The following MTA3 variants were observed in gnomAD, a reference collection of about 807,000 sequenced individuals.
MTA3 encodes metastasis associated 1 family member 3, also known as metastasis-associated protein MTA3.
In MTA3, 34 loss-of-function variants were observed where a neutral mutation model predicts 83.5. That is an observed-to-expected ratio of 0.41 (90% CI 0.31 to 0.54). The LOEUF (loss-of-function observed/expected upper bound fraction) is 0.54. Ranked by LOEUF, MTA3 falls within the 20% of genes least tolerant of loss-of-function variation. MTA3 has a pLI of 0.33. For synonymous variants in MTA3, 303 were observed against 252.7 expected (o/e 1.20, Z -1.89); for missense variants, 761 against 726.4 (o/e 1.05, Z -0.55).
At chr2:42,703,920 C>G (rs900961582) in intron 11 of MTA3, 1 of 267,118 alleles carries the variant, frequency 3.7e-6, no homozygotes, top group South Asian at 4.3e-5. Context: ...AGAGGATGTT[C>G]TAAGGAAATT....
At chr2:42,634,590 G>A (rs539253044) in intron 4 of MTA3, among the ~76,000 whole-genome samples, 18 of 152,248 alleles carry the variant, frequency 1.2e-4, no homozygotes, top group Admixed American at 2.6e-4. Flanking sequence ...GAGGATTATG[G>A]GGATCACAAT....
At chr2:42,564,903 A>C (rs1013950495), upstream of MTA3, among the ~76,000 whole-genome samples, 2 of 151,966 alleles carry the variant, frequency 1.3e-5, no homozygotes, top group African/African-American at 2.4e-5. Flanking sequence ...CAGCCTCCTG[A>C]GTAGCTGGGA....
At chr2:42,749,074 G>GT (rs1467792671) in intron 16 of MTA3, among the ~76,000 whole-genome samples, 1 of 152,238 alleles carries the variant, frequency 6.6e-6, no homozygotes, top group African/African-American at 2.4e-5. Flanking sequence ...TCTAGCTGAT[G>GT]TTTTCCATCG....
At chr2:42,577,629 T>C (rs945000970) in intron 2 of MTA3, among the ~76,000 whole-genome samples, 1 of 152,068 alleles carries the variant, frequency 6.6e-6, no homozygotes, top group Middle Eastern at 3.4e-3. Flanking sequence ...TACAGGTGTG[T>C]GCCACCACAC....
intron 4 of MTA3, among the ~76,000 whole-genome samples, chr2:42,629,410 A>T (rs115303142): frequency 1.6e-4 from 24 of 152,192 alleles, no homozygotes; most frequent in Non-Finnish European, 3.1e-4. Context: ...TTTCAGGACC[A>T]CAGAAAACTT....
chr2:42,496,353 C>G lies in MTA3; in HGVS notation c.-141+1099C>G, dbSNP rs573290877. On this transcript the variant is annotated intron_variant, in intron 2 of 17. Coordinates refer to the MTA3 transcript ENST00000405592. ...GCAGCAGCAATACCCAAATCGTTTTCTTAAACAAAGAAAACAGTGATGCAG... is the reference window on the plus strand; with the variant it reads ...GCAGCAGCAATACCCAAATCGTTTTGTTAAACAAAGAAAACAGTGATGCAG... 1.2e-4 allele frequency among the ~76,000 whole-genome samples: 18 copies of G among 152,208 alleles called. No individual in the cohort carries two copies. The South Asian group carries it at 3.7e-3, about 32-fold the overall frequency.
chr2:42,707,420 T>C (rs562651795), intron 12 of MTA3, among the ~76,000 whole-genome samples: 2 of 152,110 alleles, frequency 1.3e-5, no homozygotes, highest in East Asian at 3.9e-4. Flanking sequence ...ATTTTTTTTG[T>C]GTGTTTTCAG....
At chr2:42,744,541 T>A (rs1478911488) in intron 16 of MTA3, among the ~76,000 whole-genome samples, 2 of 152,126 alleles carry the variant, frequency 1.3e-5, no homozygotes, top group Non-Finnish European at 2.9e-5. Flanking sequence ...TCTGTTCCCC[T>A]TTCCCCCATT....
chr2:42,749,536 CG>C (rs1248844742), intron 16 of MTA3, among the ~76,000 whole-genome samples: 17 of 152,098 alleles, frequency 1.1e-4, no homozygotes, highest in Non-Finnish European at 2.1e-4. Context: ...GGCATGATCT[CG>C]GCTCACTGCA....
At chr2:42,579,774 C>A (rs954078589) in intron 3 of MTA3, among the ~76,000 whole-genome samples, 2 of 151,128 alleles carry the variant, frequency 1.3e-5, no homozygotes, top group Non-Finnish European at 3.0e-5. Context: ...TGGTCTTGAA[C>A]CCTAGGCCTC....
At chr2:42,729,341 T>C (rs938929429) in intron 16 of MTA3, among the ~76,000 whole-genome samples, 1 of 152,038 alleles carries the variant, frequency 6.6e-6, no homozygotes, top group Non-Finnish European at 1.5e-5. Flanking sequence ...GACCTTGTGA[T>C]CCACCTGCCT....
intron 2 of MTA3, among the ~76,000 whole-genome samples, chr2:42,516,944 G>C (rs1420810167): frequency 6.6e-6 from 1 of 152,134 alleles, no homozygotes; most frequent in Non-Finnish European, 1.5e-5. Context: ...GGGCAACATA[G>C]CGAGACCCTG....
At chr2:42,543,483 C>G (rs1055738717) in intron 2 of MTA3, among the ~76,000 whole-genome samples, 2 of 150,850 alleles carry the variant, frequency 1.3e-5, no homozygotes, top group African/African-American at 4.9e-5. Context: ...GCCAACAGTT[C>G]TTTTTATGTT....
At chr2:42,583,155 T>C (rs569002028) in intron 3 of MTA3, among the ~76,000 whole-genome samples, 1 of 152,290 alleles carries the variant, frequency 6.6e-6, no homozygotes, top group African/African-American at 2.4e-5. Flanking sequence ...GTGTAGTAAA[T>C]GTCAGATGGT....
At chr2:42,732,807 T>C (rs1193971584) in intron 16 of MTA3, among the ~76,000 whole-genome samples, 1 of 152,212 alleles carries the variant, frequency 6.6e-6, no homozygotes, top group East Asian at 1.9e-4. Context: ...CTTTCTCAAG[T>C]TCAAAGTTCC....
rs569215043 is a variant in MTA3, at chr2:42,726,738, A to T, written c.1759+3703A>T. 2.0e-5 allele frequency among the ~76,000 whole-genome samples: 3 copies of T among 152,342 alleles called. No individual in the cohort carries two copies. In the East Asian group the frequency reaches 5.8e-4, roughly 29 times the overall value. Reference sequence around the variant, plus strand: ...GCTTCTTATTTCCTCCCTGAAAATCACGGTCTTTCCTGGCCCTGATGAAGG... The same window carrying T: ...GCTTCTTATTTCCTCCCTGAAAATCTCGGTCTTTCCTGGCCCTGATGAAGG... On this transcript the variant is annotated intron_variant, in intron 16 of 16. Coordinates refer to ENST00000405094, the MANE Select transcript of MTA3 (RefSeq NM_001330442.2).
At chr2:42,738,038 G>C (rs182034347) in intron 16 of MTA3, among the ~76,000 whole-genome samples, 62 of 152,324 alleles carry the variant, frequency 4.1e-4, no homozygotes, top group African/African-American at 1.4e-3. Context: ...AAGGCAGGCA[G>C]ATTGCTTGAG....
At chr2:42,639,986 C>T (rs553620165) in intron 4 of MTA3, among the ~76,000 whole-genome samples, 187 bp from the exon 5 acceptor site, 2 of 152,148 alleles carry the variant, frequency 1.3e-5, no homozygotes, top group South Asian at 2.1e-4. Flanking sequence ...CCTATAAAGA[C>T]AGCCTTATTT....
intron 4 of MTA3, among the ~76,000 whole-genome samples, chr2:42,626,164 C>T (rs1053865793): frequency 2.0e-5 from 3 of 151,218 alleles, no homozygotes; most frequent in Admixed American, 2.0e-4. Flanking sequence ...AGGATGGTCT[C>T]GATCTCCTGA....
Sources: gnomAD v4.1 joint callset for allele counts (sites outside exome capture counted in the v4.1 genomes callset) on GRCh38, gnomAD v4.1.1 for gene constraint, MANE v1.5 for transcripts, NCBI Gene and HGNC (gene_info 2026-07-23, HGNC 2026-07-21) for gene names.